Variants in CHD4 observed in about 807,000 individuals in gnomAD.
The protein encoded by CHD4 is ATP-dependent chromatin remodeler CHD4.
In CHD4, 35 loss-of-function variants were observed where a neutral mutation model predicts 235.5. The observed-to-expected ratio is 0.15, with a 90% CI of 0.11 to 0.20. The LOEUF (loss-of-function observed/expected upper bound fraction) is 0.20, where lower values mean the gene tolerates loss of function less well. Among genes scored for constraint, CHD4 ranks in the 10% least tolerant of loss-of-function variants. CHD4 has a pLI of 1.00. For synonymous variants in CHD4, 900 were observed against 850.2 expected (o/e 1.06, Z -1.02); for missense variants, 1,329 against 2,432.3 (o/e 0.55, Z 9.54).
chr12:6,591,479 A>T lies in CHD4; in HGVS notation c.3327T>A (p.Ile1109=), dbSNP rs372752018. 1.2e-6 allele frequency: 2 copies of T among 1,613,932 alleles called. No individual in the cohort carries two copies. Among genetic ancestry groups the T allele is most frequent in the Non-Finnish European group, 1.7e-6 (2 of 1,179,910 alleles). Residue 1109 remains isoleucine (I), a synonymous_variant, in exon 22 of 40, where the codon ATT becomes ATA. Coordinates refer to ENST00000544040, the MANE Select transcript of CHD4 (RefSeq NM_001273.5). The stretch of plus-strand genomic sequence containing the variant: ...CTTCTCTCTCACCATTGAAGCGGTC[A>T]ATGGCCTCTTGCCGCATGTTCCCAG... ...GITGNMRQEA[I]DRFNAPGAQQ...
chr12:6,598,058 C>T lies in CHD4; in HGVS notation c.1728G>A (p.Arg576=), dbSNP rs896886174. The change falls in exon 12 of 40, where the codon CGG becomes CGA. Residue 576 remains arginine (R), a synonymous_variant. Coordinates refer to ENST00000544040, the MANE Select transcript of CHD4 (RefSeq NM_001273.5). ...AAGGTGGCTCATCCATATCATTCTT[C>T]CGCTGATAGTTTCGGAACATCACCT... The part of the protein sequence containing the change: ...HCQVMFRNYQ[R]KNDMDEPPSG... 2 of 1,614,258 alleles carry T rather than the reference C, an allele frequency of 1.2e-6. No homozygotes were observed. The highest frequency in any genetic ancestry group is 1.6e-4 in the Middle Eastern group (1 of 6,062).
At chr12:6,589,002 C>T (rs1282538322) in intron 22 of CHD4, among the ~76,000 whole-genome samples, 1 of 152,080 alleles carries the variant, frequency 6.6e-6, no homozygotes. Context: ...AACCCCAACA[C>T]TTTGCGAGGC....
intron 12 of CHD4, 76 bp from the exon 13 acceptor site, chr12:6,596,213 C>T (rs1948491686): frequency 6.3e-7 from 1 of 1,576,406 alleles, no homozygotes; most frequent in African/African-American, 1.3e-5. Context: ...ACTGGCAATA[C>T]CGTTTGTTTC....
intron 38 of CHD4, chr12:6,571,953 C>G: frequency 6.6e-6 from 1 of 151,384 alleles, no homozygotes; most frequent in Non-Finnish European, 1.5e-5. Flanking sequence ...AAGAGCAAAA[C>G]TCCATCTCAA....
In CHD4 at chr12:6,582,117, G is replaced by T. The variant is rs372460785; in HGVS notation, c.4515+20C>A. The stretch of plus-strand genomic sequence containing the variant: ...TGCGCCTGGCCCCCTAGAAACAATG[G>T]CAAGAGGCTCAGGGCTCACCTTCTT... On this transcript the variant is annotated intron_variant, in intron 30 of 39. Transcript: ENST00000544040. 7.2e-6 allele frequency: 11 copies of T among 1,529,312 alleles called. No individual in the cohort carries two copies. The African/African-American group carries it at 1.5e-4, about 22-fold the overall frequency. The allele number at this position is 1,529,312 out of a possible 1,614,324, so 94.7% of individuals were successfully genotyped here.
intron 2 of CHD4, among the ~76,000 whole-genome samples, chr12:6,605,180 G>A (rs983441228): frequency 6.6e-6 from 1 of 152,180 alleles, no homozygotes; most frequent in African/African-American, 2.4e-5. Context: ...GCTAAGAAGA[G>A]AGAAGGCAGA....
intron 37 of CHD4, among the ~76,000 whole-genome samples, chr12:6,573,752 G>C (rs1468197151): frequency 6.6e-6 from 1 of 151,998 alleles, no homozygotes; most frequent in African/African-American, 2.4e-5. Flanking sequence ...GGCTGGGCAC[G>C]GTGGCTCACA....
intron 2 of CHD4, 36 bp from the exon 3 acceptor site, chr12:6,602,533 A>C (rs1399082745): frequency 6.2e-7 from 1 of 1,606,234 alleles, no homozygotes; most frequent in Non-Finnish European, 8.5e-7. Flanking sequence ...AGGCAGGGAA[A>C]AGATCAATAG....
chr12:6,581,607 C>T, intron 31 of CHD4, 42 bp downstream of exon 31: 1 of 1,613,630 alleles, frequency 6.2e-7, no homozygotes, highest in Non-Finnish European at 8.5e-7. Context: ...TAGGCCAGGA[C>T]AAAAAGAGAG....
chr12:6,576,235 T>C (rs1948069074), intron 37 of CHD4, among the ~76,000 whole-genome samples: 2 of 152,190 alleles, frequency 1.3e-5, no homozygotes, highest in Non-Finnish European at 1.5e-5. Context: ...CACACGCCTG[T>C]TGTCCCAGCT....
At position 6,600,274 on chromosome 12, in the gene CHD4, G is replaced by A; in HGVS notation, c.1185C>T (p.Val395=). ...CCTTCTCCATGTCGGGATCCAGGCA[G>A]ACCATGTGGTAAGCACGGGGACAGG... ...CDTCPRAYHM[V]CLDPDMEKAP... is the part of the protein sequence containing the mutation. The change falls in exon 9 of 40, where the codon GTC becomes GTT. Residue 395 remains valine (V), a synonymous_variant. Transcript: ENST00000544040. 1 of 1,614,188 alleles carries A rather than the reference G, an allele frequency of 6.2e-7. No homozygotes were observed. The highest frequency in any genetic ancestry group is 8.5e-7 in the Non-Finnish European group (1 of 1,180,042).
In CHD4 at chr12:6,602,095, C is replaced by G; in HGVS notation, c.303G>C (p.Leu101=). 1 of 1,613,672 alleles carries G rather than the reference C, an allele frequency of 6.2e-7. No individual in the cohort carries two copies. Among genetic ancestry groups the G allele is most frequent in the Non-Finnish European group, 8.5e-7 (1 of 1,179,896 alleles). Residue 101 remains leucine (L), a synonymous_variant, in exon 4 of 40, where the codon CTG becomes CTC. Coordinates refer to ENST00000544040, the MANE Select transcript of CHD4 (RefSeq NM_001273.5). ...EFVEEEEEVA[L]RSDSEGSDYT... is the part of the protein sequence containing the mutation. The stretch of plus-strand genomic sequence containing the variant: ...AGTCGCTGCCCTCACTGTCTGAGCG[C>G]AGAGCCACCTCTTCCTCCTCCTCCA...
intron 4 of CHD4, 70 bp from the exon 5 acceptor site, chr12:6,601,836 G>C (rs1448570592): frequency 1.9e-6 from 3 of 1,566,620 alleles, no homozygotes; most frequent in East Asian, 4.5e-5. Context: ...AATTTGTGTG[G>C]AAAAATCAGA....
chr12:6,606,542 C>A, intron 1 of CHD4, 91 bp from the exon 2 acceptor site: 1 of 507,046 alleles, frequency 2.0e-6, no homozygotes, highest in Non-Finnish European at 3.5e-6. Flanking sequence ...GCCCCCCACC[C>A]CAGCCACCCT....
chr12:6,582,024 A>T, intron 30 of CHD4, 113 bp downstream of exon 30: 1 of 1,262,836 alleles, frequency 7.9e-7, no homozygotes, highest in Non-Finnish European at 1.1e-6. Flanking sequence ...GCTAGTCTCT[A>T]ACTCCTGACC....
At chr12:6,595,065 C>A (rs946860390) in intron 14 of CHD4, among the ~76,000 whole-genome samples, 2 of 152,108 alleles carry the variant, frequency 1.3e-5, no homozygotes, top group African/African-American at 2.4e-5. Flanking sequence ...TGCATAAAAG[C>A]TAGGCTATGT....
At chr12:6,603,724 GAGA>G (rs1334629577) in intron 2 of CHD4, among the ~76,000 whole-genome samples, 1 of 152,170 alleles carries the variant, frequency 6.6e-6, no homozygotes, top group African/African-American at 2.4e-5. Flanking sequence ...GTAATACTAA[GAGA>G]AGAACTCGAT....
intron 33 of CHD4, chr12:6,580,717 A>AAAAACAAAAAAC (rs1196398451): frequency 2.9e-5 from 7 of 239,262 alleles, no homozygotes; most frequent in Non-Finnish European, 5.4e-5. Flanking sequence ...AAAAAAAAAA[A>AAAAACAAAAAAC]AAAAAAAAAA....
At chr12:6,601,087 A>G in intron 6 of CHD4, 34 bp from the exon 7 acceptor site, 1 of 1,532,082 alleles carries the variant, frequency 6.5e-7, no homozygotes, top group African/African-American at 1.4e-5. Flanking sequence ...ATATACCACA[A>G]GACCAAAGAT....
Sources: gnomAD v4.1 joint callset for allele counts (sites outside exome capture counted in the v4.1 genomes callset) on GRCh38, gnomAD v4.1.1 for gene constraint, MANE v1.5 for transcripts, NCBI Gene and HGNC (gene_info 2026-07-23, HGNC 2026-07-21) for gene names.